Variants in CRYBG1 observed in about 807,000 individuals in gnomAD.
CRYBG1 encodes the protein crystallin beta-gamma domain containing 1, also known as beta/gamma crystallin domain-containing protein 1.
CRYBG1 carries 139 observed loss-of-function variants against 189.2 expected under a neutral mutation model. The observed-to-expected ratio is 0.73, with a 90% CI of 0.64 to 0.85. The LOEUF is 0.85. CRYBG1 is among the 40% of genes least tolerant of loss of function. The probability of loss-of-function intolerance (pLI) is 0.00; values close to 1 mark genes in which losing one functional copy is unlikely to be tolerated. For missense variants in CRYBG1, 2,611 were observed against 2,675.8 expected (o/e 0.98, Z 0.53); for synonymous variants, 1,023 against 1,017.1 (o/e 1.01, Z -0.11).
At chr6:106,485,154 GTTC>G (rs775159782) in intron 2 of CRYBG1, among the ~76,000 whole-genome samples, 13 of 151,950 alleles carry the variant, frequency 8.6e-5, no homozygotes, top group African/African-American at 3.1e-4. Flanking sequence ...TTCCATTTGT[GTTC>G]TTCTTCAATT....
Position 106,521,085 on chromosome 6 carries a change from C to T in CRYBG1, c.3877C>T (p.Pro1293Ser), listed in dbSNP as rs756083117. 20 of 1,614,178 alleles carry T rather than the reference C, an allele frequency of 1.2e-5. No individual in the cohort carries two copies. The highest frequency in any genetic ancestry group is 1.6e-5 in the Non-Finnish European group (19 of 1,180,030). The change falls in exon 4 of 22, where the codon CCC becomes TCC. Residue 1293 changes from proline to serine, a missense_variant. Physicochemically the swap from Pro to Ser is moderately conservative, Grantham distance 74 (BLOSUM62 -1). This residue lies in a region of CRYBG1 where 1,622 missense variants were observed against 1,735.0 expected (regional missense o/e 0.93). Coordinates refer to ENST00000633556, the MANE Select transcript of CRYBG1 (RefSeq NM_001371242.2). Reference protein sequence around the residue: ...VSQPTTEGAPPCGLNKEQSNL... With the variant: ...VSQPTTEGAPSCGLNKEQSNL... ...ACAGCCCACGACTGAGGGTGCCCCG[C>T]CCTGTGGTTTGAACAAAGAACAGTC... is the stretch of plus-strand genomic sequence containing the variant.
intron 1 of CRYBG1, among the ~76,000 whole-genome samples, chr6:106,447,663 C>T (rs1244827032): frequency 6.6e-6 from 1 of 151,708 alleles, no homozygotes; most frequent in Non-Finnish European, 1.5e-5. Flanking sequence ...ATTGGTCTTT[C>T]CTGTTGCAAA....
rs1414064706 is a variant in CRYBG1, at chr6:106,544,609, A to G, written c.5078A>G (p.Gln1693Arg). The G allele has an allele frequency of 6.2e-7, 1 of 1,613,910 alleles. No homozygotes were observed. The highest frequency in any genetic ancestry group is 1.3e-5 in the African/African-American group (1 of 74,936). Reference protein sequence around the residue: ...AYEKPGFTGHQYLLEEGEYRD... With the variant: ...AYEKPGFTGHRYLLEEGEYRD... ...GAGAAACCTGGATTTACCGGTCATCAGTATTTGCTAGAAGAAGGAGAATAC... is the reference window on the plus strand; with the variant it reads ...GAGAAACCTGGATTTACCGGTCATCGGTATTTGCTAGAAGAAGGAGAATAC... The change falls in exon 12 of 22, where the codon CAG becomes CGG. Residue 1693 changes from glutamine to arginine, a missense_variant. Gln to Arg is a conservative substitution (Grantham distance 43, BLOSUM62 1). Around this residue, in one of 3 missense-constraint regions of CRYBG1, gnomAD observed 1,622 missense variants for 1,735.0 expected, o/e 0.93. Coordinates refer to ENST00000633556, the MANE Select transcript of CRYBG1 (RefSeq NM_001371242.2).
intron 21 of CRYBG1, among the ~76,000 whole-genome samples, chr6:106,565,715 A>G (rs538501213): frequency 6.6e-6 from 1 of 152,252 alleles, no homozygotes; most frequent in Non-Finnish European, 1.5e-5. Flanking sequence ...AAACAGTAAC[A>G]TATAGTACAG....
chr6:106,456,410 C>T (rs1771890311), intron 2 of CRYBG1, among the ~76,000 whole-genome samples: 1 of 151,922 alleles, frequency 6.6e-6, no homozygotes, highest in African/African-American at 2.4e-5. Flanking sequence ...AATCTGCCTG[C>T]CTCAGCCTCC....
intron 2 of CRYBG1, among the ~76,000 whole-genome samples, chr6:106,506,681 G>A (rs1178850706): frequency 1.3e-5 from 2 of 151,922 alleles, no homozygotes; most frequent in Non-Finnish European, 2.9e-5. Flanking sequence ...TCGAACTCCT[G>A]ACCTCAGGTG....
chr6:106,428,172 G>T (rs1485451236), intron 1 of CRYBG1, among the ~76,000 whole-genome samples: 1 of 152,120 alleles, frequency 6.6e-6, no homozygotes, highest in Non-Finnish European at 1.5e-5. Flanking sequence ...CTCTCATTCA[G>T]AAGTAAGCTC....
intron 1 of CRYBG1, among the ~76,000 whole-genome samples, chr6:106,366,009 T>G (rs979180730): frequency 2.0e-5 from 3 of 152,212 alleles, no homozygotes; most frequent in Non-Finnish European, 2.9e-5. Context: ...ACTAACTCCC[T>G]GTTTATATCA....
chr6:106,405,925 C>T (rs904911437), intron 1 of CRYBG1, among the ~76,000 whole-genome samples: 2 of 152,206 alleles, frequency 1.3e-5, no homozygotes, highest in African/African-American at 2.4e-5. Context: ...GAGGAAAAAT[C>T]AGTGCAAAAA....
At chr6:106,549,478 C>A (rs1774349148) in intron 13 of CRYBG1, among the ~76,000 whole-genome samples, 1 of 152,134 alleles carries the variant, frequency 6.6e-6, no homozygotes, top group African/African-American at 2.4e-5. Flanking sequence ...AGTGCTCACG[C>A]CTGTAATCCT....
chr6:106,489,490 A>G (rs923422819), intron 2 of CRYBG1, among the ~76,000 whole-genome samples: 1 of 152,032 alleles, frequency 6.6e-6, no homozygotes. Context: ...ATAGGAAAAG[A>G]TATAATTCCC....
intron 1 of CRYBG1, among the ~76,000 whole-genome samples, chr6:106,446,023 TGTCA>T (rs1209867677): frequency 5.9e-5 from 9 of 152,218 alleles, no homozygotes; most frequent in Non-Finnish European, 8.8e-5. Flanking sequence ...GGCACAACAC[TGTCA>T]GTCAGTCACA....
intron 1 of CRYBG1, among the ~76,000 whole-genome samples, chr6:106,423,663 C>T (rs1026146648): frequency 2.7e-5 from 4 of 149,542 alleles, no homozygotes; most frequent in Non-Finnish European, 5.9e-5. Context: ...TCCTCTTCTC[C>T]TCCAGCCCTC....
At position 106,402,999 on chromosome 6, in the gene CRYBG1, G is replaced by A. The variant is rs999321301; in HGVS notation, c.173+41918G>A. ...CGTCTCATGTATCTAGAACATTAAC[G>A]CACAGCAGCTTCTTAATGAAAAGAT... On this transcript the variant is annotated intron_variant, in intron 1 of 21. Coordinates refer to ENST00000633556, the MANE Select transcript of CRYBG1 (RefSeq NM_001371242.2). 3.9e-5 allele frequency among the ~76,000 whole-genome samples: 6 copies of A among 152,140 alleles called. No individual in the cohort carries two copies. The South Asian group carries it at 6.2e-4, about 16-fold the overall frequency.
intron 13 of CRYBG1, among the ~76,000 whole-genome samples, chr6:106,546,433 C>T (rs1774266659): frequency 6.6e-6 from 1 of 152,142 alleles, no homozygotes; most frequent in Non-Finnish European, 1.5e-5. Context: ...TAGCCTCAAC[C>T]CCATTGTATC....
At chr6:106,399,733 T>A (rs573033509) in intron 1 of CRYBG1, among the ~76,000 whole-genome samples, 1 of 151,248 alleles carries the variant, frequency 6.6e-6, no homozygotes, top group African/African-American at 2.4e-5. Context: ...CACAGCTTAC[T>A]GTAGCCTCAA....
chr6:106,537,395 A>G (rs984526324), intron 8 of CRYBG1, among the ~76,000 whole-genome samples: 50 of 152,320 alleles, frequency 3.3e-4, no homozygotes, highest in African/African-American at 1.2e-3. Context: ...ATTTTGTTAG[A>G]GAACAAAATC....
intron 1 of CRYBG1, among the ~76,000 whole-genome samples, chr6:106,385,191 C>T (rs138112644): frequency 7.2e-4 from 109 of 152,284 alleles, no homozygotes; most frequent in African/African-American, 2.5e-3. Flanking sequence ...CAGTGATCTA[C>T]CTTTAGAAAA....
intron 1 of CRYBG1, among the ~76,000 whole-genome samples, chr6:106,437,419 C>A (rs1582762342): frequency 2.7e-5 from 4 of 145,590 alleles, no homozygotes; most frequent in Non-Finnish European, 4.6e-5. Context: ...CAATATTTTT[C>A]TTCTTCTTTT....
Sources: gnomAD v4.1 joint callset for allele counts (sites outside exome capture counted in the v4.1 genomes callset) on GRCh38, gnomAD v4.1.1 for gene constraint, gnomAD v4.1.1 regional missense constraint, MANE v1.5 for transcripts, NCBI Gene and HGNC (gene_info 2026-07-23, HGNC 2026-07-21) for gene names.